The following RALGDS variants were observed in gnomAD, a reference collection of about 807,000 sequenced individuals.
RALGDS encodes ral guanine nucleotide dissociation stimulator, also known as ral guanine nucleotide exchange factor.
In RALGDS, 44 loss-of-function variants were observed where a neutral mutation model predicts 99.8. The ratio of observed to expected loss-of-function variants is 0.44; its 90% CI spans 0.35 to 0.57. The LOEUF is 0.57. Ranked by LOEUF, RALGDS falls within the 20% of genes least tolerant of loss-of-function variation. The probability of loss-of-function intolerance (pLI) is 0.01; values close to 1 mark genes in which losing one functional copy is unlikely to be tolerated. For synonymous variants in RALGDS, 529 were observed against 505.0 expected (o/e 1.05, Z -0.64); for missense variants, 1,022 against 1,203.1 (o/e 0.85, Z 2.23).
At chr9:133,120,896 G>GC in intron 1 of RALGDS, 76 bp downstream of exon 1, 1 of 1,369,572 alleles carries the variant, frequency 7.3e-7, no homozygotes, top group East Asian at 3.1e-5. Flanking sequence ...TCCGGGGCTC[G>GC]CCCCGACCTG....
intron 17 of RALGDS, 72 bp downstream of exon 17, chr9:133,100,196 G>C: frequency 7.2e-7 from 1 of 1,394,600 alleles, no homozygotes; most frequent in Non-Finnish European, 1.0e-6. Flanking sequence ...GGGGCCAAAG[G>C]CTTCCAACCT....
chr9:133,146,615 AG>A (rs1193248123), intron 1 of RALGDS, among the ~76,000 whole-genome samples: 1 of 152,106 alleles, frequency 6.6e-6, no homozygotes, highest in African/African-American at 2.4e-5. Context: ...CCTTCCTCCG[AG>A]GGTGATTGGA....
rs770902456 is a variant in RALGDS at position 133,106,679 on chromosome 9, G to A, written c.1483C>T (p.His495Tyr). Reference sequence around the variant, plus strand: ...TCTTCCCACGTCTTCTTCAGACGGTGGATGGAGTTGCTCTGCAGGGCAGAG... The same window carrying A: ...TCTTCCCACGTCTTCTTCAGACGGTAGATGGAGTTGCTCTGCAGGGCAGAG... ...ILSALQSNSI[H>Y]RLKKTWEDVS... Residue 495 changes from histidine to tyrosine, a missense_variant, in exon 8 of 18, where the codon CAC becomes TAC. His to Tyr is a moderately conservative substitution (Grantham distance 83). Transcript: ENST00000372050. 13 of 1,612,258 alleles carry A rather than the reference G, an allele frequency of 8.1e-6. No homozygotes were observed. The highest frequency in any genetic ancestry group is 1.6e-4 in the Middle Eastern group (1 of 6,078).
chr9:133,128,997 T>C, intron 1 of RALGDS: 1 of 1,036,592 alleles, frequency 9.6e-7, no homozygotes, highest in Non-Finnish European at 1.4e-6. Context: ...AGATGAAGAC[T>C]CCCCTGTGAG....
At chr9:133,130,102 G>C (rs1832289005) in intron 1 of RALGDS, among the ~76,000 whole-genome samples, 1 of 152,156 alleles carries the variant, frequency 6.6e-6, no homozygotes, top group Admixed American at 6.5e-5. Context: ...CTCCTGGGTA[G>C]CTGGGACTAC....
In RALGDS at chr9:133,098,436, G is replaced by A. The variant is rs878911634; in HGVS notation, c.*151C>T. 8.4e-5 allele frequency: 68 copies of A among 811,636 alleles called. No individual in the cohort carries two copies. In the South Asian group the frequency reaches 1.0e-3, roughly 12 times the overall value. 50.3% of individuals were successfully genotyped at this position (811,636 alleles called of 1,614,324 possible). On this transcript the variant is annotated 3_prime_UTR_variant, in exon 18 of 18. Transcript: ENST00000372050. Reference sequence around the variant, plus strand: ...GCCAGGTCAGCCTGACCAATGGCAGGCGTCAATCCCAGCAGCGGGAGAGGT... The same window carrying A: ...GCCAGGTCAGCCTGACCAATGGCAGACGTCAATCCCAGCAGCGGGAGAGGT...
In RALGDS at chr9:133,098,684, C is replaced by T. The variant is rs776063928; in HGVS notation, c.2648G>A (p.Arg883Gln). Residue 883 changes from arginine to glutamine, a missense_variant, in exon 18 of 18, where the codon CGG becomes CAG. This residue lies in a region of RALGDS where 825 missense variants were observed against 994.5 expected (regional missense o/e 0.83). Coordinates refer to ENST00000372050, the MANE Select transcript of RALGDS (RefSeq NM_006266.4). ...TANYDFVLKK[R>Q]TFTKGVKVKH... Reference sequence around the variant, plus strand: ...GACCTTCACTCCCTTGGTGAAGGTCCGCTTCTTGAGGACAAAGTCATAGTT... The same window carrying T: ...GACCTTCACTCCCTTGGTGAAGGTCTGCTTCTTGAGGACAAAGTCATAGTT... 2.4e-5 allele frequency: 39 copies of T among 1,613,932 alleles called. No homozygotes were observed. The highest frequency in any genetic ancestry group is 2.3e-4 in the African/African-American group (17 of 74,894).
chr9:133,104,467 G>A (rs191031393), intron 9 of RALGDS, 136 bp from the exon 10 acceptor site: 50 of 799,932 alleles, frequency 6.3e-5, no homozygotes, highest in Admixed American at 5.0e-4. Flanking sequence ...GTCCTGGGCC[G>A]GTGGCCTGGC....
Position 133,144,368 on chromosome 9 carries a change from C to G in RALGDS, c.18+4595G>C, listed in dbSNP as rs1001365594. On this transcript the variant is annotated intron_variant, in intron 1 of 17. Transcript: ENST00000393160. The surrounding 1 kb of genome is among the most constrained non-coding windows in gnomAD (Gnocchi z 4.5). The stretch of plus-strand genomic sequence containing the variant: ...TGCAAACCATGGTCCTCCTCGCCAC[C>G]CCTGTCACCTCCTCCTCCGCCCCCC... Among the ~76,000 whole-genome samples, 2 of 152,146 alleles carry G rather than the reference C, an allele frequency of 1.3e-5. No homozygotes were observed. The highest frequency in any genetic ancestry group is 6.5e-5 in the Admixed American group (1 of 15,288).
chr9:133,103,223 T>TG lies in RALGDS; in HGVS notation c.1791+6dup. ...TCCCCAAGTCAGGGCTGCCTGCAGCTGCTTACCTTCCTCCTCTTCTCAAAG... is the reference window on the plus strand; with the variant it reads ...TCCCCAAGTCAGGGCTGCCTGCAGCTGGCTTACCTTCCTCCTCTTCTCAAAG... On this transcript the variant is annotated splice_region_variant and intron_variant, in intron 12 of 17. Coordinates refer to ENST00000372050, the MANE Select transcript of RALGDS (RefSeq NM_006266.4). 1 of 1,613,872 alleles carries TG rather than the reference T, an allele frequency of 6.2e-7. No homozygotes were observed. Among genetic ancestry groups the TG allele is most frequent in the Non-Finnish European group, 8.5e-7 (1 of 1,179,998 alleles).
chr9:133,104,182 C>T lies in RALGDS; in HGVS notation c.1671+81G>A, dbSNP rs779256248. The T allele has an allele frequency of 6.3e-6, 9 of 1,420,500 alleles. No homozygotes were observed. The African/African-American group carries it at 9.9e-5, about 16-fold the overall frequency. 88.0% of individuals were successfully genotyped at this position (1,420,500 alleles called of 1,614,324 possible). A position where few individuals can be genotyped will look rare whatever the true frequency, so the allele number is the denominator to read the frequency against. On this transcript the variant is annotated intron_variant, in intron 10 of 17. Transcript: ENST00000372050. ...GGCTACCTCTAATGGGGCCCATAGG[C>T]ACCGTGGCTAGAGAGGAAAGGGCCC...
chr9:133,133,137 C>T (rs1403549283), upstream of RALGDS, among the ~76,000 whole-genome samples: 5 of 152,256 alleles, frequency 3.3e-5, no homozygotes. Context: ...CCCAGCTTCC[C>T]AAGCCTGTTA....
At chr9:133,104,187 T>G (rs1367564449) in intron 10 of RALGDS, 76 bp downstream of exon 10, 1 of 1,459,596 alleles carries the variant, frequency 6.9e-7, no homozygotes, top group Non-Finnish European at 9.6e-7. Context: ...ATAGGCACCG[T>G]GGCTAGAGAG....
chr9:133,132,535 C>T (rs1217030110), upstream of RALGDS, among the ~76,000 whole-genome samples: 2 of 152,148 alleles, frequency 1.3e-5, no homozygotes, highest in Non-Finnish European at 2.9e-5. Context: ...AGCCTAGCCC[C>T]GTAGAAGGGC....
At chr9:133,107,002 C>G in intron 7 of RALGDS, 83 bp downstream of exon 7, 1 of 1,463,006 alleles carries the variant, frequency 6.8e-7, no homozygotes, top group Non-Finnish European at 9.5e-7. Context: ...TAGACTGGGG[C>G]CTGTACAGGG....
chr9:133,118,329 A>G lies in RALGDS; in HGVS notation c.183+2643T>C, dbSNP rs1194133179. 2.0e-5 allele frequency among the ~76,000 whole-genome samples: 3 copies of G among 152,218 alleles called. No individual in the cohort carries two copies. The East Asian group carries it at 5.8e-4, about 29-fold the overall frequency. On this transcript the variant is annotated intron_variant, in intron 1 of 17. Coordinates refer to ENST00000372050, the MANE Select transcript of RALGDS (RefSeq NM_006266.4). ...ACACAGTGTGATCAAGAGATCAAAC[A>G]GTGGGAAGACGCGGGAGGCTGAAGG...
At chr9:133,129,403 G>A (rs2119245999) in intron 1 of RALGDS, 1 of 1,437,248 alleles carries the variant, frequency 7.0e-7, no homozygotes, top group Non-Finnish European at 9.1e-7. Context: ...TAGTGGAGTG[G>A]AGCACCCGAG....
intron 1 of RALGDS, among the ~76,000 whole-genome samples, chr9:133,140,208 A>AC (rs1467935527): frequency 1.3e-5 from 2 of 151,344 alleles, no homozygotes; most frequent in African/African-American, 4.9e-5. Context: ...ACCTTCTGCC[A>AC]CCCTCCCCAT....
rs1299349883 is a variant in RALGDS at position 133,098,007 on chromosome 9, G to A, written c.*580C>T. The A allele has an allele frequency of 4.0e-6, 1 of 251,078 alleles. No individual in the cohort carries two copies. The highest frequency in any genetic ancestry group is 2.2e-5 in the African/African-American group (1 of 45,596). The allele number at this position is 251,078 out of a possible 1,614,324, so 15.6% of individuals were successfully genotyped here. On this transcript the variant is annotated 3_prime_UTR_variant, in exon 18 of 18. Coordinates refer to ENST00000372050, the MANE Select transcript of RALGDS (RefSeq NM_006266.4). ...ACTGTCCTCACTCACCGGGTGCAGAGTCTGGTCCATGAAGAGGGTTTCTCT... is the reference window on the plus strand; with the variant it reads ...ACTGTCCTCACTCACCGGGTGCAGAATCTGGTCCATGAAGAGGGTTTCTCT...
Sources: gnomAD v4.1 joint callset for allele counts (sites outside exome capture counted in the v4.1 genomes callset) on GRCh38, gnomAD v4.1.1 for gene constraint, gnomAD v4.1.1 regional missense constraint, Gnocchi (gnomAD v3.1) non-coding constraint, MANE v1.5 for transcripts, NCBI Gene and HGNC (gene_info 2026-07-23, HGNC 2026-07-21) for gene names.